M1AP: variants seen among roughly 807,000 people sequenced by gnomAD.
The protein encoded by M1AP is meiosis 1 arrest protein.
Under a neutral mutation model 51.2 loss-of-function variants are expected in M1AP, and 39 were observed. The observed-to-expected ratio is 0.76, with a 90% CI of 0.59 to 1.00. M1AP has a LOEUF of 1.00. Ranked by LOEUF, M1AP falls within the 50% of genes least tolerant of loss-of-function variation. M1AP has a pLI of 0.00. For synonymous variants in M1AP, 251 were observed against 249.2 expected (o/e 1.01, Z -0.07); for missense variants, 545 against 641.2 (o/e 0.85, Z 1.62).
rs756204392 is a variant in M1AP at position 74,581,668 on chromosome 2, A to ATGTACT, written c.769_769+5dup. Reference sequence around the variant, plus strand: ...ATAGCCTAAATATCTTTTGGGGATTATGTACTTGGATTATCTCTGGGTCTG... The same window carrying ATGTACT: ...ATAGCCTAAATATCTTTTGGGGATTATGTACTTGTACTTGGATTATCTCTGGGTCTG... On this transcript the variant is annotated splice_donor_region_variant and intron_variant, in intron 5 of 10. Transcript: ENST00000421985. The ATGTACT allele has an allele frequency of 6.2e-7, 1 of 1,612,186 alleles. No homozygotes were observed. Among genetic ancestry groups the ATGTACT allele is most frequent in the Non-Finnish European group, 8.5e-7 (1 of 1,178,514 alleles).
At chr2:74,568,117 G>A (rs1396326966) in intron 7 of M1AP, among the ~76,000 whole-genome samples, 1 of 152,226 alleles carries the variant, frequency 6.6e-6, no homozygotes, top group East Asian at 1.9e-4. Context: ...TGAATAAACT[G>A]AGCAATACCC....
intron 2 of M1AP, among the ~76,000 whole-genome samples, chr2:74,635,283 T>C (rs1012301133): frequency 1.3e-5 from 2 of 152,260 alleles, no homozygotes; most frequent in Middle Eastern, 3.4e-3. Context: ...GTATCTGTAG[T>C]ATTCTCTTAT....
chr2:74,564,675 A>G (rs1213335632), intron 7 of M1AP, among the ~76,000 whole-genome samples: 3 of 152,136 alleles, frequency 2.0e-5, no homozygotes, highest in Non-Finnish European at 4.4e-5. Flanking sequence ...CTTAAAATCC[A>G]TCATGTTGGA....
intron 2 of M1AP, among the ~76,000 whole-genome samples, chr2:74,619,569 A>T (rs760922377): frequency 2.0e-5 from 3 of 152,232 alleles, no homozygotes; most frequent in Non-Finnish European, 4.4e-5. Context: ...TTATCTATAC[A>T]AAGTTGAAAT....
intron 4 of M1AP, among the ~76,000 whole-genome samples, chr2:74,595,596 C>T (rs1644981155): frequency 6.6e-6 from 1 of 152,168 alleles, no homozygotes; most frequent in African/African-American, 2.4e-5. Context: ...AAGTGATCTG[C>T]CTGTCTTGGC....
chr2:74,605,229 T>C (rs72907291), intron 4 of M1AP, among the ~76,000 whole-genome samples: 4,484 of 152,274 alleles, frequency 0.029, 209 homozygotes, highest in African/African-American at 0.1. Context: ...ACTTTATTTC[T>C]AGGAATTTAT....
chr2:74,642,673 T>C (rs952953026), intron 1 of M1AP, among the ~76,000 whole-genome samples: 1 of 152,224 alleles, frequency 6.6e-6, no homozygotes, highest in Non-Finnish European at 1.5e-5. Context: ...TGTGTGCCAA[T>C]GATTGTGTAT....
At chr2:74,605,120 C>T (rs542970484) in intron 4 of M1AP, among the ~76,000 whole-genome samples, 4 of 152,160 alleles carry the variant, frequency 2.6e-5, no homozygotes, top group African/African-American at 9.6e-5. Context: ...CTAGGAAAGT[C>T]TTATTTACTA....
chr2:74,593,536 G>A (rs1384201362), intron 4 of M1AP, among the ~76,000 whole-genome samples: 1 of 152,072 alleles, frequency 6.6e-6, no homozygotes, highest in Non-Finnish European at 1.5e-5. Context: ...GTGCACCACT[G>A]CATCTGGCTA....
At chr2:74,612,325 C>A (rs1681414507) in intron 3 of M1AP, among the ~76,000 whole-genome samples, 1 of 152,056 alleles carries the variant, frequency 6.6e-6, no homozygotes, top group Non-Finnish European at 1.5e-5. Context: ...CTCAAGCAAT[C>A]TTTCCACCTC....
intron 1 of M1AP, among the ~76,000 whole-genome samples, chr2:74,642,076 C>T (rs554048593): frequency 7.1e-4 from 107 of 150,182 alleles, no homozygotes; most frequent in African/African-American, 2.3e-3. Flanking sequence ...AACTTCTGCC[C>T]GCCTCGGCCT....
chr2:74,590,912 C>T (rs1246497448), intron 4 of M1AP, among the ~76,000 whole-genome samples: 1 of 152,144 alleles, frequency 6.6e-6, no homozygotes, highest in Admixed American at 6.6e-5. Context: ...GCTCAGTAAA[C>T]GTTATATTGA....
At chr2:74,580,140 T>G (rs1679314849) in intron 5 of M1AP, among the ~76,000 whole-genome samples, 1 of 152,206 alleles carries the variant, frequency 6.6e-6, no homozygotes. Context: ...AAAATAGTGG[T>G]GTACCTTACA....
At chr2:74,645,516 G>T (rs1395644811) in intron 1 of M1AP, among the ~76,000 whole-genome samples, 1 of 152,176 alleles carries the variant, frequency 6.6e-6, no homozygotes, top group Non-Finnish European at 1.5e-5. Context: ...GGTGGAAGCA[G>T]CTTTCCATAA....
intron 8 of M1AP, among the ~76,000 whole-genome samples, chr2:74,561,411 G>T (rs191792680): frequency 6.8e-4 from 104 of 151,888 alleles, no homozygotes; most frequent in African/African-American, 2.2e-3. Flanking sequence ...GCAAACACAG[G>T]TATACACATA....
intron 2 of M1AP, among the ~76,000 whole-genome samples, chr2:74,616,958 T>TCAAC (rs1681703300): frequency 6.6e-6 from 1 of 152,204 alleles, no homozygotes; most frequent in Admixed American, 6.5e-5. Context: ...CCAACATGGG[T>TCAAC]TGAGTTTATT....
In M1AP at chr2:74,561,076, G is replaced by GAGGAGA. The variant is rs1558643492; in HGVS notation, c.1282-786_1282-785insTCTCCT. The stretch of plus-strand genomic sequence containing the variant: ...TGGAGGAGGAGGGGAGGAGGAGGAG[G>GAGGAGA]AGGAGGAGGAGGAGAAGGAGAAGGA... On this transcript the variant is annotated intron_variant, in intron 8 of 10. Transcript: ENST00000421985. Among the ~76,000 whole-genome samples the GAGGAGA allele has an allele frequency of 1.2e-3, 95 of 80,996 alleles. 20 individuals are homozygous for GAGGAGA. The highest frequency in any genetic ancestry group is 5.0e-3 in the African/African-American group (92 of 18,434). The allele number at this position is 80,996 out of a possible 152,430, so 53.1% of individuals were successfully genotyped here.
At chr2:74,595,909 A>C (rs1680305643) in intron 4 of M1AP, among the ~76,000 whole-genome samples, 1 of 152,202 alleles carries the variant, frequency 6.6e-6, no homozygotes, top group South Asian at 2.1e-4. Context: ...TATTATATTG[A>C]CTCTAAGTAG....
Position 74,607,198 on chromosome 2 carries a change from C to T in M1AP, c.452G>A (p.Gly151Glu). 1 of 1,614,066 alleles carries T rather than the reference C, an allele frequency of 6.2e-7. No homozygotes were observed. The highest frequency in any genetic ancestry group is 1.1e-5 in the South Asian group (1 of 91,070). ...CTCCAACTGTTTGACCACCTCTTTT[C>T]CAGGCTGAGAAGTCAGAATAGTAAT... The part of the protein sequence containing the change: ...LEITILTSQP[G>E]KEVVKQLEEG... Residue 151 changes from glycine to glutamate, a missense_variant, in exon 4 of 11, where the codon GGA becomes GAA. By Grantham distance (98) the Gly-to-Glu change is moderately conservative (BLOSUM62 -2). Transcript: ENST00000421985.
Sources: allele counts gnomAD v4.1 joint callset (sites outside exome capture counted in the v4.1 genomes callset), GRCh38; gene constraint gnomAD v4.1.1; transcripts MANE v1.5; gene names NCBI Gene and HGNC (gene_info 2026-07-23, HGNC 2026-07-21).